The following GOLIM4 variants were observed in gnomAD, a reference collection of about 807,000 sequenced individuals.
The protein encoded by GOLIM4 is golgi integral membrane protein 4.
Under a neutral mutation model 107.4 loss-of-function variants are expected in GOLIM4, and 71 were observed. That is an observed-to-expected ratio of 0.66 (90% confidence interval 0.55 to 0.81). The LOEUF is 0.81. Ranked by LOEUF, GOLIM4 falls within the 30% of genes least tolerant of loss-of-function variation. The probability of loss-of-function intolerance (pLI) is 0.00; values close to 1 mark genes in which losing one functional copy is unlikely to be tolerated. For missense variants in GOLIM4, 830 were observed against 826.1 expected (o/e 1.00, Z -0.06); for synonymous variants, 327 against 294.8 (o/e 1.11, Z -1.12).
chr3:168,052,766 C>G (rs1276455650), intron 1 of GOLIM4, among the ~76,000 whole-genome samples: 1 of 152,156 alleles, frequency 6.6e-6, no homozygotes, highest in Non-Finnish European at 1.5e-5. Flanking sequence ...TGTCACCTAT[C>G]TCTATTTTTC....
chr3:168,080,145 GA>G (rs1246522928), intron 1 of GOLIM4, among the ~76,000 whole-genome samples: 7 of 151,970 alleles, frequency 4.6e-5, no homozygotes, highest in South Asian at 2.1e-4. Context: ...TAATAATGGA[GA>G]AAAAAAATAT....
Position 168,032,858 on chromosome 3 carries a change from C to T in GOLIM4, c.844-6G>A. The T allele has an allele frequency of 6.3e-7, 1 of 1,594,558 alleles. No individual in the cohort carries two copies. Among genetic ancestry groups the T allele is most frequent in the Non-Finnish European group, 8.6e-7 (1 of 1,165,626 alleles). On this transcript the variant is annotated splice_polypyrimidine_tract_variant and splice_region_variant and intron_variant, in intron 8 of 15. Coordinates refer to ENST00000470487, the MANE Select transcript of GOLIM4 (RefSeq NM_014498.5). ...ACATCATTATTTCGAGACACCTAGG[C>T]CAAGCACATCACTGGGAATGACACT... is the stretch of plus-strand genomic sequence containing the variant.
At chr3:168,055,364 G>A (rs1005683459) in intron 1 of GOLIM4, among the ~76,000 whole-genome samples, 2 of 152,160 alleles carry the variant, frequency 1.3e-5, no homozygotes, top group Admixed American at 6.5e-5. Context: ...TTGGCAACTG[G>A]AGCAAAGGTG....
chr3:168,030,278 TC>T (rs1183299955), intron 9 of GOLIM4, among the ~76,000 whole-genome samples: 4 of 152,182 alleles, frequency 2.6e-5, no homozygotes, highest in Admixed American at 2.0e-4. Context: ...TTCAATGTGC[TC>T]CCTTCTCAAA....
At chr3:168,016,657 G>T (rs1717381301) in intron 14 of GOLIM4, among the ~76,000 whole-genome samples, 1 of 133,636 alleles carries the variant, frequency 7.5e-6, no homozygotes. Context: ...GTCCAACAAT[G>T]ATAGACTGGA....
At chr3:168,039,029 T>C (rs1305392985) in intron 7 of GOLIM4, among the ~76,000 whole-genome samples, 1 of 152,152 alleles carries the variant, frequency 6.6e-6, no homozygotes, top group African/African-American at 2.4e-5. Context: ...GCTGGCACCC[T>C]GATCTAGGAC....
chr3:168,073,057 C>T (rs1459619794), intron 1 of GOLIM4, among the ~76,000 whole-genome samples: 1 of 152,170 alleles, frequency 6.6e-6, no homozygotes, highest in Non-Finnish European at 1.5e-5. Context: ...TGCCTTCTTT[C>T]TTATATTCTG....
chr3:168,031,726 C>G (rs1220195839), intron 9 of GOLIM4, among the ~76,000 whole-genome samples: 3 of 152,142 alleles, frequency 2.0e-5, no homozygotes, highest in African/African-American at 7.2e-5. Flanking sequence ...AAGCCTCAAG[C>G]GGCTTGAAGT....
Position 168,010,771 on chromosome 3 carries a change from T to C in GOLIM4, c.1913A>G (p.Glu638Gly). ...TTCATCATTTTCACCATAGGTCTCT[T>C]CAGCATTATGCTCCAGTTCCCTTTT... ...EKKRELEHNA[E>G]ETYGENDENT... Residue 638 changes from glutamate to glycine, a missense_variant, in exon 15 of 16, where the codon GAA becomes GGA. Coordinates refer to ENST00000470487, the MANE Select transcript of GOLIM4 (RefSeq NM_014498.5). 1 of 1,612,168 alleles carries C rather than the reference T, an allele frequency of 6.2e-7. No homozygotes were observed. The highest frequency in any genetic ancestry group is 1.7e-5 in the Admixed American group (1 of 60,014).
intron 1 of GOLIM4, among the ~76,000 whole-genome samples, chr3:168,087,622 A>T (rs1721692614): frequency 6.6e-6 from 1 of 152,174 alleles, no homozygotes; most frequent in Admixed American, 6.5e-5. Context: ...ATGAATCCCC[A>T]TATGACCCAC....
rs1719425846 is a variant in GOLIM4, at chr3:168,048,282, T to G, written c.262+9A>C. On this transcript the variant is annotated intron_variant, in intron 2 of 15. Transcript: ENST00000470487. ...AAAAACACAGAACACAAATTATGTA[T>G]TTACTTACCTTCCTTTGCTTTTTTA... The G allele has an allele frequency of 7.5e-7, 1 of 1,328,654 alleles. No homozygotes were observed. Among genetic ancestry groups the G allele is most frequent in the African/African-American group, 1.4e-5 (1 of 69,238 alleles). 82.3% of individuals were successfully genotyped at this position (1,328,654 alleles called of 1,614,324 possible). A position where few individuals can be genotyped will look rare whatever the true frequency, so the allele number is the denominator to read the frequency against.
chr3:168,065,422 C>T (rs545810696), intron 1 of GOLIM4, among the ~76,000 whole-genome samples: 1 of 152,298 alleles, frequency 6.6e-6, no homozygotes, highest in East Asian at 1.9e-4. Context: ...TTTTCAATAA[C>T]TTGAAAAATA....
intron 2 of GOLIM4, 51 bp downstream of exon 2, chr3:168,048,240 T>C: frequency 1.0e-6 from 1 of 959,820 alleles, no homozygotes; most frequent in South Asian, 1.4e-5. Context: ...ATATGATACG[T>C]CAAAGAAGAG....
chr3:168,040,682 G>A, intron 7 of GOLIM4, 104 bp downstream of exon 7: 1 of 683,908 alleles, frequency 1.5e-6, no homozygotes, highest in Non-Finnish European at 2.6e-6. Flanking sequence ...TCTGTCCTAA[G>A]GAACTCACTG....
At chr3:168,068,965 T>C (rs1577561576) in intron 1 of GOLIM4, among the ~76,000 whole-genome samples, 1 of 151,936 alleles carries the variant, frequency 6.6e-6, no homozygotes, top group African/African-American at 2.4e-5. Context: ...GCCTCCTGAG[T>C]AGCTGGGATT....
At chr3:168,034,631 AAC>A in intron 8 of GOLIM4, among the ~76,000 whole-genome samples, 1 of 152,210 alleles carries the variant, frequency 6.6e-6, no homozygotes, top group East Asian at 1.9e-4. Flanking sequence ...AAAGGACATG[AAC>A]ACACACATCA....
At chr3:168,060,942 T>C (rs377530038) in intron 1 of GOLIM4, among the ~76,000 whole-genome samples, 13 of 105,122 alleles carry the variant, frequency 1.2e-4, no homozygotes, top group African/African-American at 3.2e-4. Context: ...AAATTAACTT[T>C]GTATGTGTAG....
At chr3:168,033,562 G>A (rs892593007) in intron 8 of GOLIM4, among the ~76,000 whole-genome samples, 1 of 120,360 alleles carries the variant, frequency 8.3e-6, no homozygotes, top group African/African-American at 3.3e-5. Flanking sequence ...AGCCGAGATT[G>A]CGCCACTGCA....
chr3:168,043,286 G>C (rs889747480), intron 5 of GOLIM4, 93 bp downstream of exon 5: 2 of 805,992 alleles, frequency 2.5e-6, no homozygotes, highest in Non-Finnish European at 3.9e-6. Flanking sequence ...AATGTAAATC[G>C]ATCACCACTC....
Sources: gnomAD v4.1 joint callset for allele counts (sites outside exome capture counted in the v4.1 genomes callset) on GRCh38, gnomAD v4.1.1 for gene constraint, MANE v1.5 for transcripts, NCBI Gene and HGNC (gene_info 2026-07-23, HGNC 2026-07-21) for gene names.